PHACTR2: variants seen among roughly 807,000 people sequenced by gnomAD.
PHACTR2 encodes phosphatase and actin regulator 2.
PHACTR2 carries 30 observed loss-of-function variants against 76.0 expected under a neutral mutation model. The observed-to-expected ratio is 0.39, with a 90% confidence interval of 0.30 to 0.54. The LOEUF (loss-of-function observed/expected upper bound fraction) is 0.54, where lower values mean the gene tolerates loss of function less well. PHACTR2 is among the 20% of genes least tolerant of loss of function. The probability of loss-of-function intolerance (pLI) is 0.61; values close to 1 mark genes in which losing one functional copy is unlikely to be tolerated. For missense variants in PHACTR2, 696 were observed against 781.1 expected, an observed-to-expected ratio of 0.89 and a Z score of 1.30; for synonymous variants, 292 against 292.5, an observed-to-expected ratio of 1.00 and a Z score of 0.02.
chr6:143,542,371 C>A (rs1474106552), intron 1 of PHACTR2, among the ~76,000 whole-genome samples: 1 of 152,164 alleles, frequency 6.6e-6, no homozygotes, highest in African/African-American at 2.4e-5. Flanking sequence ...TGATGACAGT[C>A]CTGTATCAGA....
intron 7 of PHACTR2, among the ~76,000 whole-genome samples, chr6:143,773,523 C>T (rs1339418585): frequency 7.4e-6 from 1 of 135,496 alleles, no homozygotes; most frequent in East Asian, 2.2e-4. Context: ...TTTTAATTTG[C>T]ATGGAGCAAA....
At chr6:143,759,904 A>C (rs554106116) in intron 4 of PHACTR2, among the ~76,000 whole-genome samples, 1 of 152,306 alleles carries the variant, frequency 6.6e-6, no homozygotes, top group Admixed American at 6.5e-5. Context: ...GATCCCTTTC[A>C]GATGGATCAG....
At position 143,595,244 on chromosome 6, in the gene PHACTR2, T is replaced by A. The variant is rs1056283220; in HGVS notation, c.217+58037T>A. On this transcript the variant is annotated intron_variant, in intron 1 of 11. Transcript: ENST00000367584. The surrounding 1 kb of genome is among the most constrained non-coding windows in gnomAD (Gnocchi z 4.2). ...ATATATATGAACTAAGTTAAGTATG[T>A]CAAATGACACACTAAAGGCTAATTA... 6.6e-6 allele frequency among the ~76,000 whole-genome samples: 1 copy of A among 152,216 alleles called. No homozygotes were observed. The highest frequency in any genetic ancestry group is 1.5e-5 in the Non-Finnish European group (1 of 68,042).
At position 143,735,063 on chromosome 6, in the gene PHACTR2, C is replaced by T. The variant is rs1778786463; in HGVS notation, c.215-13922C>T. On this transcript the variant is annotated intron_variant, in intron 2 of 12. Coordinates refer to ENST00000440869, the MANE Select transcript of PHACTR2 (RefSeq NM_001100164.2). ...ACATATTTTCCTGATTTATTTCTCA[C>T]TTAGAATATAAGATGCAATCTTAAT... 2.6e-5 allele frequency among the ~76,000 whole-genome samples: 4 copies of T among 152,242 alleles called. No individual in the cohort carries two copies. In the South Asian group the frequency reaches 8.3e-4, roughly 32 times the overall value.
chr6:143,702,127 C>CTTTTTTTT (rs909954007), intron 1 of PHACTR2, among the ~76,000 whole-genome samples: 13 of 105,742 alleles, frequency 1.2e-4, no homozygotes, highest in Non-Finnish European at 1.7e-4. Flanking sequence ...GTCTTCTTTG[C>CTTTTTTTT]TTTTTTTTTT....
rs78535705 is a variant in PHACTR2, at chr6:143,672,696, C to T, written c.14-39320C>T. Among the ~76,000 whole-genome samples, 4,887 of 152,074 alleles carry T rather than the reference C, an allele frequency of 0.032. 257 individuals are homozygous for T. The highest frequency in any genetic ancestry group is 0.11 in the African/African-American group (4,461 of 41,492). On this transcript the variant is annotated intron_variant, in intron 1 of 11. Coordinates refer to the PHACTR2 transcript ENST00000305766. The surrounding 1 kb of genome is among the most constrained non-coding windows in gnomAD (Gnocchi z 5.8). ...TGGGCATCCCTAGCACTTGGAGGAA[C>T]AAACTTCTTCTTTTTTATTTTTATT...
At position 143,777,958 on chromosome 6, in the gene PHACTR2, G is replaced by T. The variant is rs902204268; in HGVS notation, c.1645+575G>T. On this transcript the variant is annotated intron_variant, in intron 9 of 12. Coordinates refer to ENST00000440869, the MANE Select transcript of PHACTR2 (RefSeq NM_001100164.2). The surrounding 1 kb of genome is among the most constrained non-coding windows in gnomAD (Gnocchi z 4.6). ...ATTTTCCCATTCTGTTTTTCCCTCTGTTCTCTTTGACTTTAGTTTTTACTC... is the reference window on the plus strand; with the variant it reads ...ATTTTCCCATTCTGTTTTTCCCTCTTTTCTCTTTGACTTTAGTTTTTACTC... 5.9e-5 allele frequency among the ~76,000 whole-genome samples: 9 copies of T among 151,936 alleles called. No homozygotes were observed. Among genetic ancestry groups the T allele is most frequent in the African/African-American group, 2.2e-4 (9 of 41,352 alleles).
At chr6:143,759,801 C>T (rs1779393021) in intron 4 of PHACTR2, among the ~76,000 whole-genome samples, 1 of 152,076 alleles carries the variant, frequency 6.6e-6, no homozygotes, top group Non-Finnish European at 1.5e-5. Context: ...ATGATTCATT[C>T]TAAAGCGCAT....
At chr6:143,545,165 G>A (rs961324187) in intron 1 of PHACTR2, among the ~76,000 whole-genome samples, 2 of 152,050 alleles carry the variant, frequency 1.3e-5, no homozygotes, top group African/African-American at 2.4e-5. Context: ...GGATGGTCTC[G>A]AACTCCTGAC....
In PHACTR2 at chr6:143,616,771, G is replaced by A. The variant is rs952689971; in HGVS notation, c.13+8449G>A. 2.6e-5 allele frequency among the ~76,000 whole-genome samples: 4 copies of A among 152,162 alleles called. No individual in the cohort carries two copies. The highest frequency in any genetic ancestry group is 5.9e-5 in the Non-Finnish European group (4 of 68,044). ...GGAATGAGGTTGGGGTGGAGGCTAC[G>A]CCAGACTCGGTAGTCAGAGAAAGCT... On this transcript the variant is annotated intron_variant, in intron 1 of 11. Coordinates refer to the PHACTR2 transcript ENST00000305766. The surrounding 1 kb of genome is among the most constrained non-coding windows in gnomAD (Gnocchi z 4.9).
At chr6:143,651,349 C>A (rs1582736933) in intron 1 of PHACTR2, among the ~76,000 whole-genome samples, 1 of 151,878 alleles carries the variant, frequency 6.6e-6, no homozygotes, top group Non-Finnish European at 1.5e-5. Context: ...GGTGTATACC[C>A]AAAGAAATGT....
rs1776973168 is a variant in PHACTR2, at chr6:143,663,251, T to C, written c.14-48765T>C. ...CCAGTAATGATATTTTTGGGTCACA[T>C]GGTAACTCTGTTTTAAGTTCTTCCA... On this transcript the variant is annotated intron_variant, in intron 1 of 11. Transcript: ENST00000305766. The surrounding 1 kb of genome is among the most constrained non-coding windows in gnomAD (Gnocchi z 4.1). 2.6e-5 allele frequency among the ~76,000 whole-genome samples: 4 copies of C among 152,188 alleles called. No individual in the cohort carries two copies. Among genetic ancestry groups the C allele is most frequent in the Non-Finnish European group, 5.9e-5 (4 of 68,016 alleles).
In PHACTR2 at chr6:143,751,791, TAC is replaced by T. The variant is rs71024875; in HGVS notation, c.296-1930_296-1929del. Among the ~76,000 whole-genome samples, 4,021 of 140,186 alleles carry T rather than the reference TAC, an allele frequency of 0.029. 67 individuals carry two copies. Among genetic ancestry groups the T allele is most frequent in the African/African-American group, 0.047 (1,790 of 38,004 alleles). 92.0% of individuals were successfully genotyped at this position (140,186 alleles called of 152,430 possible). A position where few individuals can be genotyped will look rare whatever the true frequency, so the allele number is the denominator to read the frequency against. Reference sequence around the variant, plus strand: ...TCCTTTGCTCTGCTTGTATTTTACTTACACACACACACACACACACACACACA... The same window carrying T: ...TCCTTTGCTCTGCTTGTATTTTACTTACACACACACACACACACACACACA... On this transcript the variant is annotated intron_variant, in intron 3 of 12. Transcript: ENST00000440869. This position sits in a 1 kb window ranked among gnomAD's most constrained non-coding sequence, Gnocchi z 5.7.
At position 143,672,339 on chromosome 6, in the gene PHACTR2, T is replaced by C. The variant is rs1777167976; in HGVS notation, c.14-39677T>C. Among the ~76,000 whole-genome samples the C allele has an allele frequency of 6.6e-6, 1 of 150,842 alleles. No individual in the cohort carries two copies. Among genetic ancestry groups the C allele is most frequent in the Admixed American group, 6.6e-5 (1 of 15,164 alleles). Reference sequence around the variant, plus strand: ...AGCTGGGCATGGTGGCAGGCACCCATAGTCCCAGCTACTCTGGAGGCTGAG... The same window carrying C: ...AGCTGGGCATGGTGGCAGGCACCCACAGTCCCAGCTACTCTGGAGGCTGAG... On this transcript the variant is annotated intron_variant, in intron 1 of 11. Coordinates refer to the PHACTR2 transcript ENST00000305766. This position sits in a 1 kb window ranked among gnomAD's most constrained non-coding sequence, Gnocchi z 5.8.
chr6:143,579,535 AAG>A (rs373314216), intron 1 of PHACTR2, among the ~76,000 whole-genome samples: 24 of 152,062 alleles, frequency 1.6e-4, no homozygotes, highest in African/African-American at 5.3e-4. Flanking sequence ...GAGACAAGGA[AAG>A]AGGCGAGCGG....
Position 143,596,084 on chromosome 6 carries a change from C to G in PHACTR2, c.217+58877C>G, listed in dbSNP as rs912371956. On this transcript the variant is annotated intron_variant, in intron 1 of 11. Transcript: ENST00000367584. The surrounding 1 kb of genome is among the most constrained non-coding windows in gnomAD (Gnocchi z 4.6). ...AGATTCTATAAATTTAGATAATTTA[C>G]TAATCATTATGCTTATTAAGTAATT... is the stretch of plus-strand genomic sequence containing the variant. Among the ~76,000 whole-genome samples, 1 of 152,172 alleles carries G rather than the reference C, an allele frequency of 6.6e-6. No individual in the cohort carries two copies. Among genetic ancestry groups the G allele is most frequent in the Non-Finnish European group, 1.5e-5 (1 of 68,030 alleles).
At chr6:143,563,396 C>CTACGAAAAA (rs1554287740) in intron 1 of PHACTR2, among the ~76,000 whole-genome samples, 3 of 150,980 alleles carry the variant, frequency 2.0e-5, no homozygotes, top group East Asian at 2.0e-4. Context: ...AACCGCATCT[C>CTACGAAAAA]TACGAAAAAT....
chr6:143,759,741 G>A (rs1395393509), intron 4 of PHACTR2, among the ~76,000 whole-genome samples: 3 of 151,562 alleles, frequency 2.0e-5, no homozygotes, highest in Admixed American at 1.3e-4. Context: ...TTTTAGAACA[G>A]GAAGCTGCCA....
intron 5 of PHACTR2, among the ~76,000 whole-genome samples, chr6:143,763,960 G>A (rs1358211649): frequency 1.3e-5 from 2 of 152,158 alleles, no homozygotes; most frequent in East Asian, 3.9e-4. Context: ...TAAATTTATA[G>A]GTCATGAAAG....
Sources: gnomAD v4.1 joint callset for allele counts (sites outside exome capture counted in the v4.1 genomes callset) on GRCh38, gnomAD v4.1.1 for gene constraint, Gnocchi (gnomAD v3.1) non-coding constraint, MANE v1.5 for transcripts, NCBI Gene and HGNC (gene_info 2026-07-23, HGNC 2026-07-21) for gene names.